The following PTK2 variants were observed in gnomAD, a reference collection of about 807,000 sequenced individuals.
PTK2 encodes focal adhesion kinase 1.
Under a neutral mutation model 150.1 loss-of-function variants are expected in PTK2, and 45 were observed. The ratio of observed to expected loss-of-function variants is 0.30; its 90% confidence interval spans 0.24 to 0.38. The LOEUF is 0.38. Ranked by LOEUF, PTK2 falls within the 10% of genes least tolerant of loss-of-function variation. PTK2 has a pLI of 1.00. For missense variants in PTK2, 919 were observed against 1,307.3 expected (o/e 0.70, Z 4.58); for synonymous variants, 432 against 449.2 (o/e 0.96, Z 0.48).
chr8:140,664,753 G>A (rs990053366), intron 31 of PTK2, among the ~76,000 whole-genome samples, 164 bp downstream of exon 35: 2 of 152,166 alleles, frequency 1.3e-5, no homozygotes, highest in Non-Finnish European at 2.9e-5. Flanking sequence ...GAACAGCCCC[G>A]TCCTGGTTGG....
intron 10 of PTK2, among the ~76,000 whole-genome samples, chr8:140,814,539 A>C (rs1052214244): frequency 2.6e-5 from 4 of 152,246 alleles, no homozygotes; most frequent in African/African-American, 9.6e-5. Context: ...TCACATAAAC[A>C]GAACTAAAAA....
At chr8:140,796,871 T>TAC (rs150855965) in intron 12 of PTK2, among the ~76,000 whole-genome samples, 395 of 151,264 alleles carry the variant, frequency 2.6e-3, no homozygotes, top group African/African-American at 7.4e-3. Flanking sequence ...AGTTTGGAGA[T>TAC]ACACACACAC....
chr8:140,841,765 A>G (rs2100122498), intron 7 of PTK2, among the ~76,000 whole-genome samples: 1 of 152,046 alleles, frequency 6.6e-6, no homozygotes, highest in African/African-American at 2.4e-5. Flanking sequence ...CTTATTTAAA[A>G]TATAGTTAAT....
At chr8:140,920,886 C>T in intron 2 of PTK2, 1 of 1,526,870 alleles carries the variant, frequency 6.5e-7, no homozygotes. Flanking sequence ...GGTTTCAGGG[C>T]CTCTTGGCCT....
intron 14 of PTK2, among the ~76,000 whole-genome samples, chr8:140,784,522 G>A (rs572143246): frequency 6.6e-6 from 1 of 152,072 alleles, no homozygotes; most frequent in Non-Finnish European, 1.5e-5. Context: ...TTTACTCATT[G>A]ATTTGGAAAT....
chr8:140,836,735 C>T (rs977224221), intron 7 of PTK2, among the ~76,000 whole-genome samples: 3 of 152,146 alleles, frequency 2.0e-5, no homozygotes, highest in Admixed American at 6.5e-5. Flanking sequence ...ATATCAGATA[C>T]TATATAATGT....
At chr8:140,678,073 G>A (rs578024962) in intron 27 of PTK2, among the ~76,000 whole-genome samples, 76 of 152,330 alleles carry the variant, frequency 5.0e-4, no homozygotes, top group African/African-American at 1.7e-3. Flanking sequence ...GAGTGACTGA[G>A]TCTCACTCTG....
chr8:140,927,971 A>ATATATATATATAT (rs1209829069), intron 1 of PTK2, among the ~76,000 whole-genome samples: 4 of 66,926 alleles, frequency 6.0e-5, no homozygotes, highest in Non-Finnish European at 8.7e-5. Flanking sequence ...AAAAAAAAAA[A>ATATATATATATAT]AAAAATATAT....
At chr8:140,832,183 T>G (rs934475801) in intron 7 of PTK2, among the ~76,000 whole-genome samples, 1 of 152,168 alleles carries the variant, frequency 6.6e-6, no homozygotes, top group African/African-American at 2.4e-5. Context: ...GTATCCCAAG[T>G]AGCTGGGTTT....
intron 7 of PTK2, among the ~76,000 whole-genome samples, chr8:140,837,454 C>A (rs1332524310): frequency 1.3e-5 from 2 of 152,134 alleles, no homozygotes. Context: ...TATGGCTGGG[C>A]GTGGTGACTC....
chr8:140,991,896 C>T (rs997205628), intron 1 of PTK2, among the ~76,000 whole-genome samples: 24 of 152,116 alleles, frequency 1.6e-4, no homozygotes, highest in African/African-American at 4.8e-4. Flanking sequence ...GTAGTCCCAG[C>T]TACTCAGGAG....
intron 23 of PTK2, among the ~76,000 whole-genome samples, chr8:140,710,608 T>C (rs1046496461): frequency 6.6e-6 from 1 of 151,714 alleles, no homozygotes; most frequent in African/African-American, 2.4e-5. Context: ...GAGGTAGAGG[T>C]TGCGGTGAGC....
intron 1 of PTK2, among the ~76,000 whole-genome samples, chr8:140,950,466 C>G (rs1349487449): frequency 6.6e-6 from 1 of 152,264 alleles, no homozygotes; most frequent in Middle Eastern, 3.2e-3. Flanking sequence ...GCTGCCCACC[C>G]CGCTACAGCA....
At chr8:140,659,352 A>G in exon 32 of PTK2, 1 of 810,454 alleles carries the variant, frequency 1.2e-6, no homozygotes, top group South Asian at 2.2e-5. Context: ...TCATTCAAAA[A>G]AGTTGGAGCT....
intron 4 of PTK2, among the ~76,000 whole-genome samples, chr8:140,872,188 G>A (rs1478601818): frequency 4.6e-5 from 7 of 152,028 alleles, no homozygotes; most frequent in South Asian, 4.2e-4. Context: ...GGGATTACAC[G>A]TGTGCACCAC....
At chr8:140,856,355 CAAT>C (rs2100132591) in intron 5 of PTK2, among the ~76,000 whole-genome samples, 1 of 145,186 alleles carries the variant, frequency 6.9e-6, no homozygotes, top group Admixed American at 7.4e-5. Context: ...CCAGTCATCT[CAAT>C]AATAGTAAAA....
chr8:140,659,272 A>G, exon 32 of PTK2: 1 of 556,584 alleles, frequency 1.8e-6, no homozygotes, highest in Non-Finnish European at 3.1e-6. Context: ...ATTGAAAAAA[A>G]CAAAACAAAA....
rs546309890 is a variant in PTK2, at chr8:140,830,229, T to C, written c.648+243A>G. Among the ~76,000 whole-genome samples, 4 of 152,350 alleles carry C rather than the reference T, an allele frequency of 2.6e-5. No individual in the cohort carries two copies. In the South Asian group the frequency reaches 6.2e-4, roughly 24 times the overall value. On this transcript the variant is annotated intron_variant, in intron 8 of 31. Coordinates refer to ENST00000522684, the Ensembl canonical transcript of PTK2. ...GGAATAACTGTGCACATAACTTTTT[T>C]AGTTTTATGCTTAGCAGAGTATCAA...
intron 1 of PTK2, among the ~76,000 whole-genome samples, chr8:140,966,217 C>G (rs1040621650): frequency 6.6e-6 from 1 of 152,178 alleles, no homozygotes; most frequent in African/African-American, 2.4e-5. Context: ...GCACCATTAT[C>G]TAAAACAGCA....
Sources: allele counts gnomAD v4.1 joint callset (sites outside exome capture counted in the v4.1 genomes callset), GRCh38; gene constraint gnomAD v4.1.1; transcripts MANE v1.5; gene names NCBI Gene and HGNC (gene_info 2026-07-23, HGNC 2026-07-21).